Variants in OPRM1 observed in about 807,000 individuals in gnomAD.
OPRM1 encodes opioid receptor mu 1.
In OPRM1, 27 loss-of-function variants were observed where a neutral mutation model predicts 31.8. The observed-to-expected ratio is 0.85, with a 90% CI of 0.63 to 1.17. The LOEUF (loss-of-function observed/expected upper bound fraction) is 1.17. Among genes scored for constraint, OPRM1 ranks in the 50% most tolerant of loss-of-function variants. The pLI, the probability that OPRM1 is intolerant of heterozygous loss-of-function variation, is 0.00. For missense variants in OPRM1, 536 were observed against 511.1 expected (o/e 1.05, Z -0.47); for synonymous variants, 196 against 189.9 (o/e 1.03, Z -0.26).
rs1202921208 is a variant in OPRM1, at chr6:154,099,934, TATG to T, written c.1164+8465_1164+8467del. ...TATATCATAACATGTATTATCATAT[TATG>T]ATATATATCATAACATATATATTAT... On this transcript the variant is annotated intron_variant, in intron 3 of 3. Transcript: ENST00000330432. Among the ~76,000 whole-genome samples the T allele has an allele frequency of 2.1e-5, 3 of 143,268 alleles. No individual in the cohort carries two copies. In the East Asian group the frequency reaches 6.0e-4, roughly 29 times the overall value. 94.0% of individuals were successfully genotyped at this position (143,268 alleles called of 152,430 possible). A position where few individuals can be genotyped will look rare whatever the true frequency, so the allele number is the denominator to read the frequency against.
At chr6:154,022,268 GTAGT>G (rs1323464191) in intron 1 of OPRM1, among the ~76,000 whole-genome samples, 3 of 152,230 alleles carry the variant, frequency 2.0e-5, no homozygotes, top group Middle Eastern at 3.4e-3. Flanking sequence ...GTGCTGTGGT[GTAGT>G]TAGTCTGCTG....
upstream of OPRM1, among the ~76,000 whole-genome samples, chr6:154,037,709 C>G (rs1040161626): frequency 1.3e-5 from 2 of 152,068 alleles, no homozygotes; most frequent in Non-Finnish European, 2.9e-5. Flanking sequence ...TTTAATCCTG[C>G]TAACAGACAT....
intron 1 of OPRM1, among the ~76,000 whole-genome samples, chr6:154,064,529 G>C (rs1784993619): frequency 6.6e-6 from 1 of 152,114 alleles, no homozygotes; most frequent in South Asian, 2.1e-4. Flanking sequence ...TTTGTTGCCT[G>C]TGCCTTTAGT....
chr6:154,020,188 CA>C (rs1317620521), intron 1 of OPRM1, among the ~76,000 whole-genome samples: 30 of 152,122 alleles, frequency 2.0e-4, no homozygotes, highest in African/African-American at 7.2e-4. Flanking sequence ...TTTATATGGA[CA>C]TAACTTTTCA....
At chr6:154,206,116 T>A (rs1490520369) in intron 3 of OPRM1, among the ~76,000 whole-genome samples, 6 of 152,148 alleles carry the variant, frequency 3.9e-5, no homozygotes, top group African/African-American at 1.4e-4. Context: ...CACAAAAATA[T>A]TTATCAGCTG....
chr6:154,138,510 G>A (rs371547103), intron 3 of OPRM1, among the ~76,000 whole-genome samples: 19 of 152,166 alleles, frequency 1.2e-4, no homozygotes, highest in African/African-American at 4.3e-4. Flanking sequence ...GCATATGGAA[G>A]GAATAAGGAG....
At chr6:154,113,796 C>T (rs1796582281) in intron 3 of OPRM1, among the ~76,000 whole-genome samples, 1 of 152,178 alleles carries the variant, frequency 6.6e-6, no homozygotes, top group Non-Finnish European at 1.5e-5. Context: ...GCAATCAGAG[C>T]TGCTGCTTGT....
At chr6:154,209,105 T>C (rs920143602) in intron 3 of OPRM1, among the ~76,000 whole-genome samples, 3 of 152,232 alleles carry the variant, frequency 2.0e-5, no homozygotes, top group Non-Finnish European at 2.9e-5. Flanking sequence ...TCATTGTTTA[T>C]CTTGACTCTA....
intron 3 of OPRM1, among the ~76,000 whole-genome samples, chr6:154,171,138 C>T (rs573737097): frequency 9.9e-4 from 151 of 152,272 alleles, no homozygotes; most frequent in African/African-American, 3.5e-3. Flanking sequence ...GAATTGAAAA[C>T]ATATATTCAC....
rs1259264846 is a variant in OPRM1 at position 154,091,359 on chromosome 6, G to A, written c.1051G>A (p.Glu351Lys). Residue 351 changes from glutamate (E) to lysine (K), a missense_variant, in exon 3 of 4, where the codon GAG becomes AAG. Transcript: ENST00000330432. ...LDENFKRCFR[E>K]FCIPTSSNIE... ...TGAAAACTTCAAACGATGCTTCAGA[G>A]AGTTCTGTATCCCAACCTCTTCCAA... The A allele has an allele frequency of 3.1e-6, 5 of 1,614,066 alleles. No homozygotes were observed. In the African/African-American group the frequency reaches 5.3e-5, roughly 17 times the overall value.
At chr6:154,099,402 AAGAAAGAAAGAGAGAAAG>A (rs1387931322) in intron 3 of OPRM1, among the ~76,000 whole-genome samples, 4 of 79,406 alleles carry the variant, frequency 5.0e-5, no homozygotes, top group Non-Finnish European at 7.8e-5. Flanking sequence ...AAAGAAAGTA[AAGAAAGAAAGAGAGAAAG>A]AGAAAGAAAG....
chr6:154,102,020 G>A (rs192303283), intron 3 of OPRM1, among the ~76,000 whole-genome samples: 62 of 152,234 alleles, frequency 4.1e-4, no homozygotes, highest in Non-Finnish European at 6.6e-4. Context: ...GCTCCCTGCA[G>A]CCTCTACTTC....
At chr6:154,014,001 T>C (rs1002805103) in intron 1 of OPRM1, among the ~76,000 whole-genome samples, 3 of 151,970 alleles carry the variant, frequency 2.0e-5, no homozygotes, top group African/African-American at 7.3e-5. Context: ...AGTCACATAG[T>C]AAAGGATATA....
downstream of OPRM1, among the ~76,000 whole-genome samples, chr6:154,135,001 A>T (rs1202647709): frequency 6.6e-6 from 1 of 152,240 alleles, no homozygotes; most frequent in African/African-American, 2.4e-5. Context: ...TCCCAGAGCC[A>T]GTCTGGTGGC....
intron 1 of OPRM1, among the ~76,000 whole-genome samples, chr6:154,026,677 T>G (rs1240328083): frequency 6.6e-6 from 1 of 152,192 alleles, no homozygotes; most frequent in Non-Finnish European, 1.5e-5. Context: ...TATTTTCAAA[T>G]AGCCTGTCTT....
chr6:154,212,747 A>C, intron 3 of OPRM1: 1 of 1,507,636 alleles, frequency 6.6e-7, no homozygotes, highest in Non-Finnish European at 9.2e-7. Flanking sequence ...GATGACCAAC[A>C]GACTACTTAT....
intron 1 of OPRM1, chr6:154,087,468 C>T: frequency 1.0e-6 from 1 of 985,402 alleles, no homozygotes; most frequent in South Asian, 4.7e-5. Flanking sequence ...CAAGGAGGGC[C>T]TGGCTTCAGG....
intron 3 of OPRM1, among the ~76,000 whole-genome samples, chr6:154,099,441 G>A (rs1794067827): frequency 8.7e-6 from 1 of 114,406 alleles, no homozygotes. Context: ...AGGGAGGGAG[G>A]AAGAAAGAAA....
intron 1 of OPRM1, among the ~76,000 whole-genome samples, chr6:154,078,877 C>T (rs958269452): frequency 3.5e-5 from 5 of 143,934 alleles, no homozygotes; most frequent in Non-Finnish European, 4.5e-5. Flanking sequence ...GACCTTATGT[C>T]AGGAGGGGGA....
Sources: allele counts gnomAD v4.1 joint callset (sites outside exome capture counted in the v4.1 genomes callset), GRCh38; gene constraint gnomAD v4.1.1; transcripts MANE v1.5; gene names NCBI Gene and HGNC (gene_info 2026-07-23, HGNC 2026-07-21).